The following ARHGAP28 variants were observed in gnomAD, a reference collection of about 807,000 sequenced individuals.
ARHGAP28 encodes rho GTPase-activating protein 28.
ARHGAP28 carries 56 observed loss-of-function variants against 90.7 expected under a neutral mutation model. That is an observed-to-expected ratio of 0.62 (90% confidence interval 0.50 to 0.77). The LOEUF (loss-of-function observed/expected upper bound fraction) is 0.77. Ranked by LOEUF, ARHGAP28 falls within the 30% of genes least tolerant of loss-of-function variation. The pLI is 0.00. For synonymous variants in ARHGAP28, 308 were observed against 323.3 expected (o/e 0.95, Z 0.51); for missense variants, 869 against 900.9 (o/e 0.96, Z 0.45).
At chr18:6,865,286 A>C (rs1196659242) in intron 5 of ARHGAP28, among the ~76,000 whole-genome samples, 1 of 152,220 alleles carries the variant, frequency 6.6e-6, no homozygotes, top group Non-Finnish European at 1.5e-5. Flanking sequence ...GATGTGAACA[A>C]TGTTTTAATT....
intron 1 of ARHGAP28, among the ~76,000 whole-genome samples, chr18:6,772,880 A>T (rs1473400337): frequency 7.2e-5 from 11 of 151,958 alleles, no homozygotes. Flanking sequence ...AGCTGGGATT[A>T]TAGGCATGCA....
At chr18:6,855,585 G>A (rs898038779) in intron 4 of ARHGAP28, among the ~76,000 whole-genome samples, 4 of 152,176 alleles carry the variant, frequency 2.6e-5, no homozygotes, top group Admixed American at 2.0e-4. Context: ...CTTTGGACCC[G>A]CCAAATGGTG....
chr18:6,876,376 A>G (rs185663471), intron 10 of ARHGAP28, among the ~76,000 whole-genome samples, 168 bp downstream of exon 10: 2 of 152,306 alleles, frequency 1.3e-5, no homozygotes, highest in Admixed American at 1.3e-4. Context: ...GAGTTTTTTC[A>G]TGATCCAGAA....
chr18:6,896,398 T>G (rs1021706357), intron 15 of ARHGAP28, 104 bp from the exon 16 acceptor site: 2 of 1,322,822 alleles, frequency 1.5e-6, no homozygotes, highest in African/African-American at 2.9e-5. Context: ...GTGATGTGTT[T>G]TCCTAATTCA....
intron 1 of ARHGAP28, among the ~76,000 whole-genome samples, chr18:6,823,654 A>G (rs1335570526): frequency 6.9e-6 from 1 of 145,580 alleles, no homozygotes; most frequent in African/African-American, 2.5e-5. Context: ...GGACATATTT[A>G]AACCTCTTAA....
chr18:6,765,368 C>A (rs886457587), intron 1 of ARHGAP28, among the ~76,000 whole-genome samples: 6 of 152,108 alleles, frequency 3.9e-5, no homozygotes, highest in Non-Finnish European at 5.9e-5. Context: ...AATAAATTAT[C>A]TTTCAAGGCA....
intron 1 of ARHGAP28, among the ~76,000 whole-genome samples, chr18:6,821,596 A>G (rs146350965): frequency 1.4e-3 from 213 of 152,308 alleles, no homozygotes; most frequent in Non-Finnish European, 2.7e-3. Context: ...AAACATTTGT[A>G]TCTCTAACCA....
intron 2 of ARHGAP28, among the ~76,000 whole-genome samples, chr18:6,827,102 C>A (rs369587990): frequency 1.3e-5 from 2 of 152,202 alleles, no homozygotes; most frequent in African/African-American, 4.8e-5. Flanking sequence ...TACACAGACA[C>A]GGCAACCATC....
chr18:6,771,381 G>T (rs1435239505), intron 1 of ARHGAP28, among the ~76,000 whole-genome samples: 4 of 152,100 alleles, frequency 2.6e-5, no homozygotes, highest in African/African-American at 9.7e-5. Flanking sequence ...CTCACAAAAA[G>T]ATCTGTAGTA....
intron 4 of ARHGAP28, among the ~76,000 whole-genome samples, chr18:6,858,904 A>G (rs1459413755): frequency 6.6e-6 from 1 of 152,162 alleles, no homozygotes. Context: ...ATTTTGTAAA[A>G]TAATGTATAG....
chr18:6,765,383 T>C (rs533602151), intron 1 of ARHGAP28, among the ~76,000 whole-genome samples: 1 of 152,310 alleles, frequency 6.6e-6, no homozygotes. Flanking sequence ...AAGGCATTTG[T>C]CCATTTCATA....
At chr18:6,910,240 T>C (rs373877519) in intron 17 of ARHGAP28, among the ~76,000 whole-genome samples, 1 of 152,166 alleles carries the variant, frequency 6.6e-6, no homozygotes, top group South Asian at 2.1e-4. Flanking sequence ...TCTTCCCACT[T>C]TTCCTAGCTG....
chr18:6,902,150 A>C (rs1483247700), intron 16 of ARHGAP28, among the ~76,000 whole-genome samples: 1 of 152,240 alleles, frequency 6.6e-6, no homozygotes, highest in African/African-American at 2.4e-5. Flanking sequence ...AGCACCGTGC[A>C]ATTACTAAAT....
chr18:6,873,831 C>T lies in ARHGAP28; in HGVS notation c.1212+56C>T, dbSNP rs2057109689. On this transcript the variant is annotated intron_variant, in intron 9 of 17. Coordinates refer to ENST00000383472, the MANE Select transcript of ARHGAP28 (RefSeq NM_001366230.1). ...ACAGAGCCTCATGCTTATGATTTGG[C>T]ACTTTGTAAACCCACAAATGAATTT... 6 of 1,437,524 alleles carry T rather than the reference C, an allele frequency of 4.2e-6. No individual in the cohort carries two copies. In the Admixed American group the frequency reaches 1.1e-4, roughly 26 times the overall value. The allele number at this position is 1,437,524 out of a possible 1,614,324, so 89.0% of individuals were successfully genotyped here. A position where few individuals can be genotyped will look rare whatever the true frequency, so the allele number is the denominator to read the frequency against.
chr18:6,782,590 G>GTTTTTTT (rs1567945690), intron 1 of ARHGAP28, among the ~76,000 whole-genome samples: 21 of 20,924 alleles, frequency 1.0e-3, no homozygotes, highest in Non-Finnish European at 2.2e-3. Context: ...GCTAATTTTT[G>GTTTTTTT]TATTTTTTTT....
chr18:6,843,121 T>G (rs2056840094), intron 3 of ARHGAP28, among the ~76,000 whole-genome samples: 2 of 152,142 alleles, frequency 1.3e-5, no homozygotes, highest in Admixed American at 6.5e-5. Flanking sequence ...AAGAATAGTG[T>G]CTATTAATGT....
chr18:6,813,623 A>G (rs1254179413), intron 1 of ARHGAP28, among the ~76,000 whole-genome samples: 2 of 152,164 alleles, frequency 1.3e-5, no homozygotes, highest in East Asian at 3.8e-4. Flanking sequence ...AGGGGACAAA[A>G]AGGATAATCT....
intron 1 of ARHGAP28, among the ~76,000 whole-genome samples, chr18:6,747,305 T>C (rs575475438): frequency 5.3e-4 from 80 of 152,254 alleles, no homozygotes; most frequent in African/African-American, 1.9e-3. Flanking sequence ...TGTGTGTATA[T>C]TGGTCTATAG....
chr18:6,782,690 T>TCCAC (rs1466556535), intron 1 of ARHGAP28, among the ~76,000 whole-genome samples: 2 of 133,918 alleles, frequency 1.5e-5, no homozygotes, highest in Non-Finnish European at 3.1e-5. Context: ...CCTCAGGTGA[T>TCCAC]CCACCCACCT....
Sources: gnomAD v4.1 joint callset for allele counts (sites outside exome capture counted in the v4.1 genomes callset) on GRCh38, gnomAD v4.1.1 for gene constraint, MANE v1.5 for transcripts, NCBI Gene and HGNC (gene_info 2026-07-23, HGNC 2026-07-21) for gene names.